Variants in FREM3 observed in about 807,000 individuals in gnomAD.
FREM3 encodes the protein FRAS1-related extracellular matrix protein 3.
FREM3 carries 105 observed loss-of-function variants against 129.1 expected under a neutral mutation model. The ratio of observed to expected loss-of-function variants is 0.81; its 90% CI spans 0.69 to 0.96. The LOEUF (loss-of-function observed/expected upper bound fraction) is 0.96. FREM3 is among the 40% of genes least tolerant of loss of function. FREM3 has a pLI of 0.00. For synonymous variants in FREM3, 1,014 were observed against 1,044.9 expected, an observed-to-expected ratio of 0.97 and a Z score of 0.57; for missense variants, 2,593 against 2,666.3, an observed-to-expected ratio of 0.97 and a Z score of 0.61.
chr4:143,674,298 A>C (rs1740062058), intron 2 of FREM3, among the ~76,000 whole-genome samples: 2 of 152,222 alleles, frequency 1.3e-5, no homozygotes, highest in South Asian at 2.1e-4. Context: ...ACTAAGCTTC[A>C]TAAGTGGAGG....
chr4:143,628,946 T>C (rs1739093177), intron 2 of FREM3, among the ~76,000 whole-genome samples: 1 of 151,898 alleles, frequency 6.6e-6, no homozygotes, highest in South Asian at 2.1e-4. Context: ...AGAAAGCAGG[T>C]ATATGGACTA....
In FREM3 at chr4:143,577,486, G is replaced by T; in HGVS notation, c.*125C>A. The T allele has an allele frequency of 3.4e-6, 3 of 881,418 alleles. No individual in the cohort carries two copies. The highest frequency in any genetic ancestry group is 3.6e-5 in the South Asian group (2 of 54,952). The allele number at this position is 881,418 out of a possible 1,614,324, so 54.6% of individuals were successfully genotyped here. On this transcript the variant is annotated 3_prime_UTR_variant, in exon 8 of 8. Coordinates refer to ENST00000329798, the MANE Select transcript of FREM3 (RefSeq NM_001168235.2). ...TAAATTACATTTCCACATATCACCA[G>T]AATATAACACCAATGACAGTACAAT... is the stretch of plus-strand genomic sequence containing the variant.
Position 143,697,499 on chromosome 4 carries a change from T to C in FREM3, c.3177A>G (p.Gln1059=), listed in dbSNP as rs1740597767. The C allele has an allele frequency of 1.3e-6, 2 of 1,537,092 alleles. No homozygotes were observed. The highest frequency in any genetic ancestry group is 2.4e-5 in the East Asian group (1 of 40,922). Residue 1059 remains glutamine (Q), a synonymous_variant, in exon 1 of 8, where the codon CAA becomes CAG. Transcript: ENST00000329798. ...CATTGTCCACAGGCAGCACAGTTAC[T>C]TGTACCTGTACTTTCTCTATTATGC... ...GNSIIEKVQV[Q]VTVLPVDNVG... is the part of the protein sequence containing the mutation.
At chr4:143,614,513 G>T (rs796383544) in intron 5 of FREM3, among the ~76,000 whole-genome samples, 5 of 152,312 alleles carry the variant, frequency 3.3e-5, no homozygotes, top group African/African-American at 1.2e-4. Context: ...TGGTATCAAA[G>T]ACACTTATTG....
chr4:143,593,355 T>C (rs1166301563), intron 6 of FREM3, among the ~76,000 whole-genome samples: 1 of 152,184 alleles, frequency 6.6e-6, no homozygotes. Flanking sequence ...TTTTTCCCCA[T>C]CTTTGTGGTT....
intron 6 of FREM3, among the ~76,000 whole-genome samples, chr4:143,597,539 G>C (rs1043885447): frequency 6.6e-6 from 1 of 152,032 alleles, no homozygotes. Context: ...AACTGTTTTG[G>C]CTTTTAAAAC....
At chr4:143,688,984 A>G (rs941962854) in intron 2 of FREM3, among the ~76,000 whole-genome samples, 9 of 152,226 alleles carry the variant, frequency 5.9e-5, no homozygotes, top group Non-Finnish European at 8.8e-5. Flanking sequence ...TTCATGATCA[A>G]GATCCCAAAA....
chr4:143,601,045 A>T (rs540218364), intron 6 of FREM3, among the ~76,000 whole-genome samples: 1 of 152,082 alleles, frequency 6.6e-6, no homozygotes, highest in South Asian at 2.1e-4. Flanking sequence ...ATAAGATCCA[A>T]AATTAAAATT....
intron 2 of FREM3, among the ~76,000 whole-genome samples, chr4:143,667,034 A>C (rs1739875404): frequency 6.6e-6 from 1 of 152,166 alleles, no homozygotes; most frequent in Non-Finnish European, 1.5e-5. Context: ...TAAAGTAATA[A>C]TGGCTGTGAA....
intron 7 of FREM3, among the ~76,000 whole-genome samples, chr4:143,580,754 C>T (rs1281364176): frequency 6.6e-6 from 1 of 152,212 alleles, no homozygotes; most frequent in African/African-American, 2.4e-5. Flanking sequence ...AGCAGGCAGG[C>T]CTGTCAGTTT....
At chr4:143,653,870 G>T (rs2149849653) in intron 2 of FREM3, among the ~76,000 whole-genome samples, 1 of 152,248 alleles carries the variant, frequency 6.6e-6, no homozygotes, top group East Asian at 1.9e-4. Flanking sequence ...TTTCCACAAG[G>T]ACCATGTGTG....
intron 6 of FREM3, 64 bp from the exon 7 acceptor site, chr4:143,586,057 G>T (rs1189349195): frequency 1.4e-6 from 2 of 1,479,156 alleles, no homozygotes; most frequent in Non-Finnish European, 1.8e-6. Context: ...GTCTCCTTTG[G>T]CCCTGTGTGA....
In FREM3 at chr4:143,697,643, A is replaced by C; in HGVS notation, c.3033T>G (p.Asp1011Glu). 1.3e-6 allele frequency: 2 copies of C among 1,537,806 alleles called. No individual in the cohort carries two copies. Among genetic ancestry groups the C allele is most frequent in the African/African-American group, 2.7e-5 (2 of 73,128 alleles). ...CATAGGCTACTCTCCCATTGATGAG[A>C]TCCTCTTGGGTGAATCGTTCTGTGG... is the stretch of plus-strand genomic sequence containing the variant. ...GLPTERFTQE[D>E]LINGRVAYAH... The change falls in exon 1 of 8, where the codon GAT becomes GAG. Residue 1011 changes from aspartate (D) to glutamate (E), a missense_variant. By Grantham distance (45) the Asp-to-Glu change is conservative (BLOSUM62 2). Around this residue, in one of 2 missense-constraint regions of FREM3, gnomAD observed 2,276 missense variants for 2,267.2 expected, o/e 1.00. Coordinates refer to ENST00000329798, the MANE Select transcript of FREM3 (RefSeq NM_001168235.2).
At chr4:143,626,630 A>G (rs1479543994) in intron 3 of FREM3, among the ~76,000 whole-genome samples, 1 of 152,150 alleles carries the variant, frequency 6.6e-6, no homozygotes, top group East Asian at 1.9e-4. Context: ...GAGTTCCACC[A>G]TGTGTTGATG....
chr4:143,580,354 G>A (rs1444774221), intron 7 of FREM3, among the ~76,000 whole-genome samples: 2 of 152,084 alleles, frequency 1.3e-5, no homozygotes, highest in South Asian at 2.1e-4. Context: ...AATGGTGAGT[G>A]CGACCCTCCT....
chr4:143,692,426 C>T (rs1326835537), intron 2 of FREM3, among the ~76,000 whole-genome samples: 1 of 152,134 alleles, frequency 6.6e-6, no homozygotes, highest in Non-Finnish European at 1.5e-5. Context: ...AAAGAGGTTA[C>T]TGAGTGGCAA....
rs1302203984 is a variant in FREM3 at position 143,699,591 on chromosome 4, T to C, written c.1085A>G (p.Tyr362Cys). 25 of 1,532,664 alleles carry C rather than the reference T, an allele frequency of 1.6e-5. No individual in the cohort carries two copies. Among genetic ancestry groups the C allele is most frequent in the African/African-American group, 2.7e-5 (2 of 72,968 alleles). 94.9% of individuals were successfully genotyped at this position (1,532,664 alleles called of 1,614,324 possible). Reference sequence around the variant, plus strand: ...TAGAGGGTCGTCGGTGCTGACCACGTAGCCCTGTTGCCCCGGGTGCCCTGG... The same window carrying C: ...TAGAGGGTCGTCGGTGCTGACCACGCAGCCCTGTTGCCCCGGGTGCCCTGG... ...HPPGHPGQQGYVVSTDDPLGL... is the reference protein window; with the variant it reads ...HPPGHPGQQGCVVSTDDPLGL... Residue 362 changes from tyrosine (Y) to cysteine (C), a missense_variant, in exon 1 of 8, where the codon TAC (tyrosine) becomes TGC (cysteine). Tyr to Cys is a radical substitution (Grantham distance 194). This residue lies in a region of FREM3 where 2,276 missense variants were observed against 2,267.2 expected (regional missense o/e 1.00). Transcript: ENST00000329798. This position sits in a 1 kb window ranked among gnomAD's most constrained non-coding sequence, Gnocchi z 4.2.
chr4:143,589,345 GT>G (rs1334028227), intron 6 of FREM3, among the ~76,000 whole-genome samples: 3 of 152,126 alleles, frequency 2.0e-5, no homozygotes, highest in African/African-American at 4.8e-5. Context: ...TATTGCCTAG[GT>G]TTTTTTCTAG....
In FREM3 at chr4:143,627,685, A is replaced by T; in HGVS notation, c.5351T>A (p.Val1784Glu). The change falls in exon 3 of 8, where the codon GTG (valine) becomes GAG (glutamate). Residue 1784 changes from valine to glutamate, a missense_variant. This residue lies in a region of FREM3 where 2,276 missense variants were observed against 2,267.2 expected (regional missense o/e 1.00). Transcript: ENST00000329798. ...WICLEKEYYIVDEDSTFLEVT... is the reference protein window; with the variant it reads ...WICLEKEYYIEDEDSTFLEVT... ...TTCTAAGAATGTGGAATCTTCATCC[A>T]CAATGTAGTACTCTTTCTCCAAACA... The T allele has an allele frequency of 6.5e-7, 1 of 1,533,572 alleles. No individual in the cohort carries two copies. 95.0% of individuals were successfully genotyped at this position (1,533,572 alleles called of 1,614,324 possible). A position where few individuals can be genotyped will look rare whatever the true frequency, so the allele number is the denominator to read the frequency against.
Sources: allele counts gnomAD v4.1 joint callset (sites outside exome capture counted in the v4.1 genomes callset), GRCh38; gene constraint gnomAD v4.1.1; regional missense constraint gnomAD v4.1.1; non-coding constraint Gnocchi (gnomAD v3.1); transcripts MANE v1.5; gene names NCBI Gene and HGNC (gene_info 2026-07-23, HGNC 2026-07-21).